TATDN2: variants seen among roughly 807,000 people sequenced by gnomAD.
TATDN2 encodes 3'-5' RNA nuclease TATDN2.
A neutral mutation model predicts 60.3 loss-of-function variants in TATDN2; 44 were observed. The ratio of observed to expected loss-of-function variants is 0.73; its 90% CI spans 0.57 to 0.94. The LOEUF is 0.94. TATDN2 is among the 40% of genes least tolerant of loss of function. TATDN2 has a pLI of 0.00. For synonymous variants in TATDN2, 399 were observed against 355.8 expected, an observed-to-expected ratio of 1.12 and a Z score of -1.37; for missense variants, 997 against 948.0, an observed-to-expected ratio of 1.05 and a Z score of -0.68.
At chr3:10,276,575 T>C in intron 5 of TATDN2, 87 bp downstream of exon 5, 2 of 1,445,134 alleles carry the variant, frequency 1.4e-6, no homozygotes, top group Non-Finnish European at 1.9e-6. Context: ...TATTCTGTCA[T>C]TATACACTAT....
At chr3:10,255,744 C>G (rs1490075287) in intron 2 of TATDN2, among the ~76,000 whole-genome samples, 1 of 152,142 alleles carries the variant, frequency 6.6e-6, no homozygotes, top group Non-Finnish European at 1.5e-5. Flanking sequence ...GAGTTTAAAA[C>G]CAGCTTGGCC....
At chr3:10,263,729 G>A (rs1290516739) in intron 3 of TATDN2, among the ~76,000 whole-genome samples, 1 of 151,930 alleles carries the variant, frequency 6.6e-6, no homozygotes, top group Non-Finnish European at 1.5e-5. Context: ...CGTTTCTTTT[G>A]ATCTCTTCTG....
At position 10,280,240 on chromosome 3, in the gene TATDN2, CCTT is replaced by C. The variant is rs897612207; in HGVS notation, c.*1061_*1063del. ...GCCTGGTGTCTGCAAATGTACCAGTCCTTCTCCCGCATCTCCTGGGTGCCCCCT... is the reference window on the plus strand; with the variant it reads ...GCCTGGTGTCTGCAAATGTACCAGTCCTCCCGCATCTCCTGGGTGCCCCCT... On this transcript the variant is annotated 3_prime_UTR_variant, in exon 8 of 8. Transcript: ENST00000448281. 4 of 153,852 alleles carry C rather than the reference CCTT, an allele frequency of 2.6e-5. No individual in the cohort carries two copies. Among genetic ancestry groups the C allele is most frequent in the Non-Finnish European group, 5.9e-5 (4 of 68,110 alleles). 9.5% of individuals were successfully genotyped at this position (153,852 alleles called of 1,614,324 possible). A position where few individuals can be genotyped will look rare whatever the true frequency, so the allele number is the denominator to read the frequency against.
At chr3:10,261,526 A>G in intron 3 of TATDN2, among the ~76,000 whole-genome samples, 1 of 151,944 alleles carries the variant, frequency 6.6e-6, no homozygotes, top group East Asian at 1.9e-4. Context: ...GTGCGCCACC[A>G]AACCGGCTAA....
intron 3 of TATDN2, among the ~76,000 whole-genome samples, chr3:10,266,918 T>C (rs1195647273): frequency 1.4e-5 from 2 of 145,306 alleles, no homozygotes; most frequent in African/African-American, 5.0e-5. Flanking sequence ...AGGCTTAAAC[T>C]AACTAAGGCA....
At chr3:10,249,756 C>T in intron 2 of TATDN2, 142 bp downstream of exon 2, 8 of 1,034,884 alleles carry the variant, frequency 7.7e-6, no homozygotes, top group South Asian at 2.8e-5. Flanking sequence ...TCCACTCCCC[C>T]CAAACTCGAA....
intron 2 of TATDN2, among the ~76,000 whole-genome samples, chr3:10,259,573 C>A (rs539665762): frequency 6.6e-6 from 1 of 152,294 alleles, no homozygotes; most frequent in East Asian, 1.9e-4. Flanking sequence ...TCTTGACTGA[C>A]CCTGGTGCAG....
chr3:10,248,571 G>C lies in TATDN2; in HGVS notation c.-503G>C, dbSNP rs1051548305. Reference sequence around the variant, plus strand: ...GGCCAGGCGGGGCTGTAGGGCTGGGGCAGGCGGCGGGCTGCCCGGCGGGAC... The same window carrying C: ...GGCCAGGCGGGGCTGTAGGGCTGGGCCAGGCGGCGGGCTGCCCGGCGGGAC... On this transcript the variant is annotated 5_prime_UTR_variant, in exon 1 of 8. Transcript: ENST00000448281. 1.3e-5 allele frequency: 2 copies of C among 151,864 alleles called. No homozygotes were observed. The highest frequency in any genetic ancestry group is 4.8e-5 in the African/African-American group (2 of 41,348). 9.4% of individuals were successfully genotyped at this position (151,864 alleles called of 1,614,324 possible). A position where few individuals can be genotyped will look rare whatever the true frequency, so the allele number is the denominator to read the frequency against.
rs1294372132 is a variant in TATDN2 at position 10,278,688 on chromosome 3, A to G, written c.2146-197A>G. 9.2e-6 allele frequency: 9 copies of G among 983,206 alleles called. No individual in the cohort carries two copies. The highest frequency in any genetic ancestry group is 1.2e-5 in the Non-Finnish European group (8 of 640,552). 60.9% of individuals were successfully genotyped at this position (983,206 alleles called of 1,614,324 possible). A position where few individuals can be genotyped will look rare whatever the true frequency, so the allele number is the denominator to read the frequency against. ...GGCAGTGCAAAGCCCTACCCTGTAG[A>G]GGGTAGTCCAAGGAAGCGTGGGACC... On this transcript the variant is annotated intron_variant, in intron 6 of 7. Transcript: ENST00000448281. The surrounding 1 kb of genome is among the most constrained non-coding windows in gnomAD (Gnocchi z 4.7).
At chr3:10,275,006 T>TTTC (rs1330299527) in intron 4 of TATDN2, among the ~76,000 whole-genome samples, 1 of 151,676 alleles carries the variant, frequency 6.6e-6, no homozygotes, top group East Asian at 1.9e-4. Context: ...TTTTTTTTTT[T>TTTC]TGGAGACAGT....
chr3:10,254,467 T>C (rs1229561111), intron 2 of TATDN2, among the ~76,000 whole-genome samples: 2 of 152,298 alleles, frequency 1.3e-5, no homozygotes, highest in East Asian at 1.9e-4. Flanking sequence ...CTGCGTTCCC[T>C]GGACACTTGC....
rs538513798 is a variant in TATDN2 at position 10,260,765 on chromosome 3, A to G, written c.948+95A>G. ...TTGATCCTAAGTGTTACTAATTAAA[A>G]ATAGTACTTTACTTAACCAGGCCTC... On this transcript the variant is annotated intron_variant, in intron 3 of 7. Coordinates refer to ENST00000448281, the MANE Select transcript of TATDN2 (RefSeq NM_014760.4). 4.4e-5 allele frequency: 63 copies of G among 1,429,480 alleles called. No individual in the cohort carries two copies. In the African/African-American group the frequency reaches 8.3e-4, roughly 19 times the overall value. The allele number at this position is 1,429,480 out of a possible 1,614,324, so 88.5% of individuals were successfully genotyped here. A position where few individuals can be genotyped will look rare whatever the true frequency, so the allele number is the denominator to read the frequency against.
intron 2 of TATDN2, among the ~76,000 whole-genome samples, chr3:10,257,294 T>TA (rs376375360): frequency 7.5e-6 from 1 of 133,546 alleles, no homozygotes; most frequent in Non-Finnish European, 1.6e-5. Flanking sequence ...CAAAAAAAAA[T>TA]TATATATATA....
At position 10,249,508 on chromosome 3, in the gene TATDN2, T is replaced by A. The variant is rs201114165; in HGVS notation, c.308T>A (p.Ile103Asn). The change falls in exon 2 of 8, where the codon ATT becomes AAT. Residue 103 changes from isoleucine to asparagine, a missense_variant. By Grantham distance (149) the Ile-to-Asn change is moderately radical (BLOSUM62 -3). Coordinates refer to ENST00000448281, the MANE Select transcript of TATDN2 (RefSeq NM_014760.4). Reference protein sequence around the residue: ...VGGAASKGCLIRNTRGFLSSG... With the variant: ...VGGAASKGCLNRNTRGFLSSG... ...GGGGCCGCCTCCAAAGGCTGCCTGA[T>A]TCGGAACACTCGGGGGTTCCTGTCT... 1 of 1,610,306 alleles carries A rather than the reference T, an allele frequency of 6.2e-7. No homozygotes were observed. Among genetic ancestry groups the A allele is most frequent in the Non-Finnish European group, 8.5e-7 (1 of 1,178,272 alleles).
At position 10,248,963 on chromosome 3, in the gene TATDN2, G is replaced by A. The variant is rs73811864; in HGVS notation, c.-111G>A. On this transcript the variant is annotated 5_prime_UTR_variant, in exon 1 of 8. Coordinates refer to ENST00000448281, the MANE Select transcript of TATDN2 (RefSeq NM_014760.4). Reference sequence around the variant, plus strand: ...GAAGCACGTTGTGGGCTTGGAAACCGACGGCAGCCTTTAGTCAATTTTGGA... The same window carrying A: ...GAAGCACGTTGTGGGCTTGGAAACCAACGGCAGCCTTTAGTCAATTTTGGA... 179 of 430,794 alleles carry A rather than the reference G, an allele frequency of 4.2e-4. 2 individuals are homozygous for A. Among genetic ancestry groups the A allele is most frequent in the African/African-American group, 3.2e-3 (155 of 49,128 alleles). The allele number at this position is 430,794 out of a possible 1,614,324, so 26.7% of individuals were successfully genotyped here. A position where few individuals can be genotyped will look rare whatever the true frequency, so the allele number is the denominator to read the frequency against.
chr3:10,257,597 C>CA (rs1196293139), intron 2 of TATDN2, among the ~76,000 whole-genome samples: 20,852 of 68,048 alleles, frequency 0.31, 2,576 homozygotes, highest in East Asian at 0.64. Flanking sequence ...CCACTGTCTC[C>CA]AAAAAAAAAA....
intron 2 of TATDN2, 27 bp downstream of exon 2, chr3:10,249,641 G>T (rs371143368): frequency 2.0e-6 from 3 of 1,498,346 alleles, no homozygotes; most frequent in Non-Finnish European, 2.7e-6. Flanking sequence ...CTTTGCAATC[G>T]GTGAAGCCCC....
chr3:10,263,606 C>G (rs1442736482), intron 3 of TATDN2, among the ~76,000 whole-genome samples: 1 of 152,144 alleles, frequency 6.6e-6, no homozygotes, highest in Non-Finnish European at 1.5e-5. Flanking sequence ...TATCCAAGAG[C>G]TCTTTTGTTT....
At chr3:10,272,376 T>C (rs1698578866) in intron 4 of TATDN2, among the ~76,000 whole-genome samples, 1 of 151,870 alleles carries the variant, frequency 6.6e-6, no homozygotes, top group Non-Finnish European at 1.5e-5. Context: ...CCAGTTCAAG[T>C]GATTCTCCTG....
Sources: gnomAD v4.1 joint callset for allele counts (sites outside exome capture counted in the v4.1 genomes callset) on GRCh38, gnomAD v4.1.1 for gene constraint, Gnocchi (gnomAD v3.1) non-coding constraint, MANE v1.5 for transcripts, NCBI Gene and HGNC (gene_info 2026-07-23, HGNC 2026-07-21) for gene names.